Variants in GRIA4 observed in about 807,000 individuals in gnomAD.
GRIA4 encodes the protein glutamate ionotropic receptor AMPA type subunit 4, also known as glutamate receptor 4.
A neutral mutation model predicts 104.0 loss-of-function variants in GRIA4; 34 were observed. The ratio of observed to expected loss-of-function variants is 0.33; its 90% CI spans 0.25 to 0.44. The LOEUF (loss-of-function observed/expected upper bound fraction) is 0.44, where lower values mean the gene tolerates loss of function less well. Ranked by LOEUF, GRIA4 falls within the 20% of genes least tolerant of loss-of-function variation. GRIA4 has a pLI of 1.00. For synonymous variants in GRIA4, 386 were observed against 381.9 expected, an observed-to-expected ratio of 1.01 and a Z score of -0.13; for missense variants, 750 against 1,096.5, an observed-to-expected ratio of 0.68 and a Z score of 4.46.
intron 3 of GRIA4, among the ~76,000 whole-genome samples, chr11:105,630,923 T>C (rs963851014): frequency 2.0e-5 from 3 of 152,124 alleles, no homozygotes; most frequent in African/African-American, 7.2e-5. Flanking sequence ...AGTTCTTATG[T>C]CTCATGTGGA....
In GRIA4 at chr11:105,830,833, T is replaced by G. The variant is rs377097114; in HGVS notation, c.488-31191T>G. Among the ~76,000 whole-genome samples the G allele has an allele frequency of 9.2e-5, 14 of 152,158 alleles. No homozygotes were observed. The East Asian group carries it at 2.1e-3, about 23-fold the overall frequency. ...CTTTTCTATTATTTCTCTCACTGCC[T>G]TAACAGGTAGTTTTGCTGAATATTG... On this transcript the variant is annotated intron_variant, in intron 4 of 16. Transcript: ENST00000282499.
At chr11:105,625,730 A>G (rs1950870559) in intron 3 of GRIA4, among the ~76,000 whole-genome samples, 1 of 152,104 alleles carries the variant, frequency 6.6e-6, no homozygotes, top group Non-Finnish European at 1.5e-5. Flanking sequence ...AGAGTTGTCC[A>G]AGATTATGTG....
At chr11:105,688,902 G>C (rs1952988556) in intron 3 of GRIA4, among the ~76,000 whole-genome samples, 1 of 152,040 alleles carries the variant, frequency 6.6e-6, no homozygotes, top group Non-Finnish European at 1.5e-5. Context: ...ATCTGATCTA[G>C]TTTAGGTGAT....
chr11:105,893,686 G>A (rs1043543091), intron 6 of GRIA4, among the ~76,000 whole-genome samples: 7 of 152,162 alleles, frequency 4.6e-5, no homozygotes, highest in African/African-American at 1.4e-4. Context: ...TGCTGCAGCT[G>A]TGGATAACGC....
chr11:105,921,781 T>A (rs1947572282), intron 11 of GRIA4, among the ~76,000 whole-genome samples: 2 of 152,290 alleles, frequency 1.3e-5, no homozygotes, highest in South Asian at 2.1e-4. Context: ...AGTGAAAAGA[T>A]GTGTTATTTA....
intron 8 of GRIA4, among the ~76,000 whole-genome samples, chr11:105,904,992 G>A (rs1041365239): frequency 6.6e-6 from 1 of 152,116 alleles, no homozygotes; most frequent in Non-Finnish European, 1.5e-5. Context: ...TCCTCTTCCA[G>A]GGGTATAGCA....
At chr11:105,951,085 G>C (rs1265386205) in intron 14 of GRIA4, among the ~76,000 whole-genome samples, 2 of 152,132 alleles carry the variant, frequency 1.3e-5, no homozygotes, top group Non-Finnish European at 2.9e-5. Context: ...CAAAAATTCT[G>C]GGATTCTAAG....
chr11:105,803,949 C>T (rs1371750756), intron 4 of GRIA4, among the ~76,000 whole-genome samples: 1 of 148,364 alleles, frequency 6.7e-6, no homozygotes, highest in African/African-American at 2.5e-5. Context: ...TTTGACCTTT[C>T]TTAGATTTGA....
At chr11:105,979,530 T>C (rs1170227144) in intron 16 of GRIA4, 45 bp from the exon 17 acceptor site, 5 of 1,557,418 alleles carry the variant, frequency 3.2e-6, no homozygotes, top group Admixed American at 1.7e-5. Context: ...AACAGAAATA[T>C]GGTAACACTC....
chr11:105,881,430 G>A (rs1026609487), intron 5 of GRIA4, among the ~76,000 whole-genome samples: 1 of 152,148 alleles, frequency 6.6e-6, no homozygotes, highest in Non-Finnish European at 1.5e-5. Context: ...CATTGATAGT[G>A]TCTATTATGG....
chr11:105,808,910 C>A (rs1216364461), intron 4 of GRIA4, among the ~76,000 whole-genome samples: 2 of 152,104 alleles, frequency 1.3e-5, no homozygotes, highest in Non-Finnish European at 2.9e-5. Flanking sequence ...AATAGCTTCA[C>A]ACATATTTAA....
Position 105,716,419 on chromosome 11 carries a change from G to A in GRIA4, c.248-36562G>A, listed in dbSNP as rs139797835. Among the ~76,000 whole-genome samples the A allele has an allele frequency of 8.3e-3, 1,262 of 152,064 alleles. 9 individuals carry two copies. Among genetic ancestry groups the A allele is most frequent in the Middle Eastern group, 0.014 (4 of 292 alleles). ...ACTGTATTCTCAAGTTCCTTAATTT[G>A]AACAATTTTAAATGATAATACAGTG... is the stretch of plus-strand genomic sequence containing the variant. On this transcript the variant is annotated intron_variant, in intron 3 of 16. Coordinates refer to ENST00000282499, the MANE Select transcript of GRIA4 (RefSeq NM_000829.4).
At chr11:105,837,862 C>G (rs1591328243) in intron 4 of GRIA4, among the ~76,000 whole-genome samples, 2 of 151,950 alleles carry the variant, frequency 1.3e-5, no homozygotes, top group Admixed American at 1.3e-4. Flanking sequence ...TCTTGTAGTG[C>G]TAGGTGAGGA....
At chr11:105,927,025 C>A in intron 13 of GRIA4, 86 bp downstream of exon 13, 1 of 835,290 alleles carries the variant, frequency 1.2e-6, no homozygotes, top group South Asian at 1.5e-5. Context: ...TGGGCTTTAG[C>A]TATTATAAGG....
intron 3 of GRIA4, among the ~76,000 whole-genome samples, chr11:105,746,113 T>C (rs1217405298): frequency 3.9e-5 from 6 of 151,996 alleles, no homozygotes; most frequent in African/African-American, 1.4e-4. Context: ...TATATATGTG[T>C]GTTTGCATGC....
intron 3 of GRIA4, among the ~76,000 whole-genome samples, chr11:105,670,409 T>G (rs957020344): frequency 6.6e-6 from 1 of 152,284 alleles, no homozygotes; most frequent in African/African-American, 2.4e-5. Flanking sequence ...AAGAAGCCTA[T>G]GCATTGTCAT....
chr11:105,854,110 G>A (rs1007322248), intron 4 of GRIA4, among the ~76,000 whole-genome samples: 9 of 152,122 alleles, frequency 5.9e-5, no homozygotes, highest in African/African-American at 2.2e-4. Context: ...AACAAAACAA[G>A]CCTCCTGACT....
intron 3 of GRIA4, among the ~76,000 whole-genome samples, chr11:105,666,748 C>G (rs1361010769): frequency 6.6e-6 from 1 of 151,488 alleles, no homozygotes; most frequent in East Asian, 1.9e-4. Context: ...TTTTTTTCAA[C>G]TTTTTAACCT....
At chr11:105,701,553 A>C (rs1484048891) in intron 3 of GRIA4, among the ~76,000 whole-genome samples, 1 of 152,154 alleles carries the variant, frequency 6.6e-6, no homozygotes, top group Non-Finnish European at 1.5e-5. Flanking sequence ...ATTATAGGAG[A>C]GAGTGCATGT....
Sources: gnomAD v4.1 joint callset for allele counts (sites outside exome capture counted in the v4.1 genomes callset) on GRCh38, gnomAD v4.1.1 for gene constraint, MANE v1.5 for transcripts, NCBI Gene and HGNC (gene_info 2026-07-23, HGNC 2026-07-21) for gene names.